WNT8B: variants seen among roughly 807,000 people sequenced by gnomAD.
WNT8B encodes the protein protein Wnt-8b.
A neutral mutation model predicts 36.6 loss-of-function variants in WNT8B; 24 were observed. The ratio of observed to expected loss-of-function variants is 0.66; its 90% CI spans 0.48 to 0.92. The LOEUF is 0.92. Ranked by LOEUF, WNT8B falls within the 40% of genes least tolerant of loss-of-function variation. The pLI, the probability that WNT8B is intolerant of heterozygous loss-of-function variation, is 0.00. For missense variants in WNT8B, 402 were observed against 470.8 expected, an observed-to-expected ratio of 0.85 and a Z score of 1.35; for synonymous variants, 199 against 189.8, an observed-to-expected ratio of 1.05 and a Z score of -0.40.
intron 1 of WNT8B, among the ~76,000 whole-genome samples, chr10:100,477,233 T>G (rs147570951): frequency 6.6e-6 from 1 of 152,286 alleles, no homozygotes; most frequent in African/African-American, 2.4e-5. Context: ...ATCATTCCTT[T>G]TTATTGCTGA....
chr10:100,482,225 G>T lies in WNT8B; in HGVS notation c.511-46G>T. The T allele has an allele frequency of 6.5e-7, 1 of 1,540,840 alleles. No homozygotes were observed. Among genetic ancestry groups the T allele is most frequent in the South Asian group, 1.2e-5 (1 of 81,614 alleles). The stretch of plus-strand genomic sequence containing the variant: ...AACTCCCACAGGGGCAGTTAAACTC[G>T]CCACGCGCTTAATCCGGGGCCTCTC... On this transcript the variant is annotated intron_variant, in intron 5 of 5. Coordinates refer to ENST00000343737, the MANE Select transcript of WNT8B (RefSeq NM_003393.4). This position sits in a 1 kb window ranked among gnomAD's most constrained non-coding sequence, Gnocchi z 6.6.
intron 1 of WNT8B, among the ~76,000 whole-genome samples, chr10:100,469,655 G>A (rs901477179): frequency 6.6e-6 from 1 of 152,220 alleles, no homozygotes; most frequent in Admixed American, 6.5e-5. Flanking sequence ...GGGACCAACG[G>A]GATATTATTT....
intron 1 of WNT8B, among the ~76,000 whole-genome samples, chr10:100,468,716 C>T (rs946693791): frequency 1.3e-5 from 2 of 152,190 alleles, no homozygotes; most frequent in Admixed American, 6.5e-5. Flanking sequence ...ATACAAATGA[C>T]GTATCAGTTG....
At chr10:100,469,642 T>C (rs1049479354) in intron 1 of WNT8B, among the ~76,000 whole-genome samples, 10 of 152,366 alleles carry the variant, frequency 6.6e-5, no homozygotes, top group Non-Finnish European at 1.0e-4. Flanking sequence ...TGAAGAAAAT[T>C]TGGGGACCAA....
At chr10:100,464,494 G>A (rs1025981048) in intron 1 of WNT8B, among the ~76,000 whole-genome samples, 1 of 152,116 alleles carries the variant, frequency 6.6e-6, no homozygotes, top group African/African-American at 2.4e-5. Flanking sequence ...AGAGAAACAC[G>A]AGATTCCCTT....
At chr10:100,480,264 G>T (rs1851093412) in intron 3 of WNT8B, among the ~76,000 whole-genome samples, 1 of 151,938 alleles carries the variant, frequency 6.6e-6, no homozygotes, top group African/African-American at 2.4e-5. Flanking sequence ...ACCATCCTTG[G>T]CCTCCCAGCT....
chr10:100,472,584 A>C (rs1217637028), intron 1 of WNT8B, among the ~76,000 whole-genome samples: 2 of 152,228 alleles, frequency 1.3e-5, no homozygotes, highest in African/African-American at 2.4e-5. Context: ...ACTTGAATAA[A>C]TGCTAGTTAT....
At chr10:100,479,385 C>A (rs973844437) in intron 2 of WNT8B, among the ~76,000 whole-genome samples, 2 of 152,140 alleles carry the variant, frequency 1.3e-5, no homozygotes, top group Non-Finnish European at 2.9e-5. Context: ...CTCAGTGCCC[C>A]GTGGTGGGAT....
chr10:100,482,566 G>A lies in WNT8B; in HGVS notation c.806G>A (p.Gly269Asp). 6.3e-7 allele frequency: 1 copy of A among 1,598,448 alleles called. No individual in the cohort carries two copies. ...NKTLGLLGTE[G>D]RECLRRGRAL... ...ACGCTAGGGCTGCTGGGCACCGAAG[G>A]CCGAGAGTGCCTAAGGCGCGGGCGG... Residue 269 changes from glycine (G) to aspartate (D), a missense_variant, in exon 6 of 6, where the codon GGC (glycine) becomes GAC (aspartate). Coordinates refer to ENST00000343737, the MANE Select transcript of WNT8B (RefSeq NM_003393.4). The surrounding 1 kb of genome is among the most constrained non-coding windows in gnomAD (Gnocchi z 6.6).
At chr10:100,466,758 T>A (rs1411050956) in intron 1 of WNT8B, among the ~76,000 whole-genome samples, 1 of 148,526 alleles carries the variant, frequency 6.7e-6, no homozygotes, top group Non-Finnish European at 1.5e-5. Context: ...AAGATATTCC[T>A]TTTTTTTTTC....
Position 100,482,014 on chromosome 10 carries a change from G to C in WNT8B, c.470G>C (p.Arg157Pro), listed in dbSNP as rs1482564238. 2 of 1,614,178 alleles carry C rather than the reference G, an allele frequency of 1.2e-6. No individual in the cohort carries two copies. Among genetic ancestry groups the C allele is most frequent in the Non-Finnish European group, 1.7e-6 (2 of 1,180,034 alleles). The change falls in exon 5 of 6, where the codon CGG becomes CCG. Residue 157 changes from arginine to proline, a missense_variant. By Grantham distance (103) the Arg-to-Pro change is moderately radical. Transcript: ENST00000343737. The surrounding 1 kb of genome is among the most constrained non-coding windows in gnomAD (Gnocchi z 6.6). ...VDALETGQDARAAMNLHNNEA... is the reference protein window; with the variant it reads ...VDALETGQDAPAAMNLHNNEA... ...GCCCTGGAAACAGGACAGGATGCAC[G>C]GGCAGCCATGAACCTGCACAACAAC...
At chr10:100,469,469 C>T (rs1360041540) in intron 1 of WNT8B, among the ~76,000 whole-genome samples, 10 of 152,236 alleles carry the variant, frequency 6.6e-5, no homozygotes, top group African/African-American at 2.4e-4. Flanking sequence ...CTAATCCCTT[C>T]CCCTAGTTAA....
intron 4 of WNT8B, 41 bp downstream of exon 4, chr10:100,481,164 C>A (rs766710565): frequency 1.2e-6 from 2 of 1,606,350 alleles, no homozygotes; most frequent in South Asian, 2.2e-5. Flanking sequence ...GGCCAGCCAA[C>A]GCACATAAAG....
chr10:100,480,212 T>C (rs1193522285), intron 3 of WNT8B, among the ~76,000 whole-genome samples, 200 bp downstream of exon 3: 1 of 152,176 alleles, frequency 6.6e-6, no homozygotes, highest in East Asian at 1.9e-4. Context: ...CTCAACACTC[T>C]CATTGCTCAA....
intron 1 of WNT8B, among the ~76,000 whole-genome samples, chr10:100,471,344 A>T (rs1466251527): frequency 7.2e-5 from 11 of 152,190 alleles, no homozygotes; most frequent in Admixed American, 7.2e-4. Flanking sequence ...ACTCTTTTAT[A>T]CATAGAACCC....
Position 100,465,130 on chromosome 10 carries a change from T to C in WNT8B, c.68+1894T>C, listed in dbSNP as rs528961490. Reference sequence around the variant, plus strand: ...TGCCTGAAATTACTATCTAAAAGAGTCCATCAGCAGAAATTCCTGGGCTTG... The same window carrying C: ...TGCCTGAAATTACTATCTAAAAGAGCCCATCAGCAGAAATTCCTGGGCTTG... On this transcript the variant is annotated intron_variant, in intron 1 of 5. Transcript: ENST00000343737. Among the ~76,000 whole-genome samples the C allele has an allele frequency of 2.6e-4, 40 of 152,160 alleles. 2 individuals are homozygous for C. The South Asian group carries it at 8.3e-3, about 32-fold the overall frequency.
chr10:100,481,441 C>G (rs1005724348), intron 4 of WNT8B, among the ~76,000 whole-genome samples: 1 of 152,230 alleles, frequency 6.6e-6, no homozygotes, highest in African/African-American at 2.4e-5. Flanking sequence ...ACTTTCCACT[C>G]TTTACCTCCA....
intron 1 of WNT8B, among the ~76,000 whole-genome samples, chr10:100,473,928 A>C (rs1038113825): frequency 1.4e-5 from 2 of 143,754 alleles, no homozygotes; most frequent in Non-Finnish European, 3.1e-5. Context: ...TCTGTCTTAA[A>C]AAACAAAAAA....
Position 100,482,487 on chromosome 10 carries a change from A to T in WNT8B, c.727A>T (p.Thr243Ser). The change falls in exon 6 of 6, where the codon ACC (threonine) becomes TCC (serine). Residue 243 changes from threonine (T) to serine (S), a missense_variant. Thr to Ser is a moderately conservative substitution (Grantham distance 58). This residue lies in a region of WNT8B where 256 missense variants were observed against 278.6 expected (regional missense o/e 0.92). Transcript: ENST00000343737. The surrounding 1 kb of genome is among the most constrained non-coding windows in gnomAD (Gnocchi z 6.6). ...AIADTFRSIS[T>S]RELVHLEDSP... Reference sequence around the variant, plus strand: ...CGCCGACACCTTTCGCTCCATCTCTACCCGGGAGCTGGTGCACCTGGAGGA... The same window carrying T: ...CGCCGACACCTTTCGCTCCATCTCTTCCCGGGAGCTGGTGCACCTGGAGGA... 1 of 1,602,346 alleles carries T rather than the reference A, an allele frequency of 6.2e-7. No individual in the cohort carries two copies. The highest frequency in any genetic ancestry group is 1.7e-5 in the Admixed American group (1 of 59,980).
Sources: gnomAD v4.1 joint callset for allele counts (sites outside exome capture counted in the v4.1 genomes callset) on GRCh38, gnomAD v4.1.1 for gene constraint, gnomAD v4.1.1 regional missense constraint, Gnocchi (gnomAD v3.1) non-coding constraint, MANE v1.5 for transcripts, NCBI Gene and HGNC (gene_info 2026-07-23, HGNC 2026-07-21) for gene names.